DCC: variants seen among roughly 807,000 people sequenced by gnomAD.
DCC encodes the protein DCC netrin 1 receptor.
DCC carries 58 observed loss-of-function variants against 172.5 expected under a neutral mutation model. That is an observed-to-expected ratio of 0.34 (90% confidence interval 0.27 to 0.42). The LOEUF (loss-of-function observed/expected upper bound fraction) is 0.42. Among genes scored for constraint, DCC ranks in the 10% least tolerant of loss-of-function variants. DCC has a pLI of 1.00. For synonymous variants in DCC, 709 were observed against 644.5 expected, an observed-to-expected ratio of 1.10 and a Z score of -1.52; for missense variants, 1,740 against 1,791.0, an observed-to-expected ratio of 0.97 and a Z score of 0.51.
chr18:53,456,122 G>C (rs1438251426), intron 23 of DCC, among the ~76,000 whole-genome samples: 1 of 152,194 alleles, frequency 6.6e-6, no homozygotes, highest in Non-Finnish European at 1.5e-5. Context: ...TGAGGGAAAT[G>C]ATTTAGATTC....
intron 21 of DCC, among the ~76,000 whole-genome samples, chr18:53,426,311 T>C (rs1470866226): frequency 4.0e-5 from 2 of 50,330 alleles, no homozygotes; most frequent in Admixed American, 3.7e-4. Context: ...TTATAATATA[T>C]ATTATATATT....
rs564559619 is a variant in DCC, at chr18:52,426,947, C to A, written c.91+86069C>A. ...TCTTAATTCTTGGTATACTTTATCTCCCAAATCCTGACAATAGTTCTATGA... is the reference window on the plus strand; with the variant it reads ...TCTTAATTCTTGGTATACTTTATCTACCAAATCCTGACAATAGTTCTATGA... On this transcript the variant is annotated intron_variant, in intron 1 of 28. Coordinates refer to ENST00000442544, the MANE Select transcript of DCC (RefSeq NM_005215.4). Among the ~76,000 whole-genome samples, 3 of 152,072 alleles carry A rather than the reference C, an allele frequency of 2.0e-5. No homozygotes were observed. The East Asian group carries it at 5.8e-4, about 29-fold the overall frequency.
intron 7 of DCC, among the ~76,000 whole-genome samples, chr18:53,082,975 A>G (rs1478610907): frequency 1.3e-5 from 2 of 151,912 alleles, no homozygotes; most frequent in Middle Eastern, 3.2e-3. Flanking sequence ...ACACTGGCCC[A>G]CTTTGTTCTT....
chr18:52,779,067 G>A (rs140409591), intron 2 of DCC, among the ~76,000 whole-genome samples: 4 of 151,938 alleles, frequency 2.6e-5, no homozygotes, highest in Admixed American at 1.3e-4. Context: ...TAATTGTTGT[G>A]CTGAGATAAG....
At chr18:53,093,028 T>TGG (rs1217920786) in intron 7 of DCC, among the ~76,000 whole-genome samples, 3 of 152,258 alleles carry the variant, frequency 2.0e-5, no homozygotes, top group African/African-American at 7.2e-5. Flanking sequence ...CCCAGCACTT[T>TGG]GGGAGGCCAA....
chr18:52,587,993 A>G (rs186245829), intron 1 of DCC, among the ~76,000 whole-genome samples: 32 of 152,284 alleles, frequency 2.1e-4, no homozygotes, highest in Admixed American at 1.5e-3. Context: ...TTTGTGATGG[A>G]ATGCTGCTGT....
rs184290886 is a variant in DCC at position 52,379,819 on chromosome 18, T to C, written c.91+38941T>C. Among the ~76,000 whole-genome samples, 508 of 152,290 alleles carry C rather than the reference T, an allele frequency of 3.3e-3. 1 individual carries two copies. Among genetic ancestry groups the C allele is most frequent in the Non-Finnish European group, 5.5e-3 (376 of 67,998 alleles). On this transcript the variant is annotated intron_variant, in intron 1 of 28. Transcript: ENST00000442544. ...CCAGAAGTTAGGAATCTCTGTCTCTTACCCTTGACTTGAAACCTTCTTGAG... is the reference window on the plus strand; with the variant it reads ...CCAGAAGTTAGGAATCTCTGTCTCTCACCCTTGACTTGAAACCTTCTTGAG...
chr18:53,504,643 A>G (rs998352142), intron 27 of DCC, among the ~76,000 whole-genome samples: 1 of 152,220 alleles, frequency 6.6e-6, no homozygotes, highest in African/African-American at 2.4e-5. Flanking sequence ...TTAAGTATCA[A>G]TAATGTTTGT....
intron 3 of DCC, among the ~76,000 whole-genome samples, chr18:52,917,879 A>G (rs979591433): frequency 6.6e-6 from 1 of 152,232 alleles, no homozygotes; most frequent in East Asian, 1.9e-4. Flanking sequence ...TAATCGATTT[A>G]GAAAAATAGT....
chr18:52,688,855 G>A (rs2035883921), intron 1 of DCC, among the ~76,000 whole-genome samples: 1 of 152,022 alleles, frequency 6.6e-6, no homozygotes, highest in Non-Finnish European at 1.5e-5. Context: ...AAAAGATATG[G>A]ATATTTAACA....
chr18:52,500,128 C>G (rs1214237580), intron 1 of DCC, among the ~76,000 whole-genome samples: 1 of 145,708 alleles, frequency 6.9e-6, no homozygotes, highest in South Asian at 2.2e-4. Flanking sequence ...TTTTTTTTTG[C>G]TCACACCAAG....
At chr18:52,766,551 G>C (rs8083197) in intron 2 of DCC, among the ~76,000 whole-genome samples, 31,484 of 150,210 alleles carry the variant, frequency 0.21, 4,673 homozygotes, top group African/African-American at 0.42. Context: ...AAGCTGAAAA[G>C]AGTACAGTGT....
intron 1 of DCC, among the ~76,000 whole-genome samples, chr18:52,678,043 G>T (rs2035677326): frequency 6.6e-6 from 1 of 152,154 alleles, no homozygotes; most frequent in Non-Finnish European, 1.5e-5. Flanking sequence ...AAACTACAAA[G>T]ATGGGCATAA....
chr18:53,451,356 A>T (rs930257695), intron 23 of DCC, among the ~76,000 whole-genome samples: 1 of 152,214 alleles, frequency 6.6e-6, no homozygotes, highest in Admixed American at 6.5e-5. Flanking sequence ...TTCAGCCTAT[A>T]TCCTTGCAGC....
At chr18:52,983,232 C>G (rs1397986437) in intron 5 of DCC, among the ~76,000 whole-genome samples, 1 of 152,056 alleles carries the variant, frequency 6.6e-6, no homozygotes, top group Non-Finnish European at 1.5e-5. Context: ...GACTTGAAAG[C>G]AACATTAGGA....
At chr18:52,666,887 C>A (rs1321690188) in intron 1 of DCC, among the ~76,000 whole-genome samples, 1 of 152,074 alleles carries the variant, frequency 6.6e-6, no homozygotes, top group Non-Finnish European at 1.5e-5. Context: ...CAGAAATACT[C>A]CCAGGTATTT....
In DCC at chr18:53,094,866, A is replaced by G. The variant is rs554484150; in HGVS notation, c.1261+28700A>G. 3.9e-5 allele frequency among the ~76,000 whole-genome samples: 6 copies of G among 152,252 alleles called. No individual in the cohort carries two copies. In the East Asian group the frequency reaches 5.8e-4, roughly 15 times the overall value. On this transcript the variant is annotated intron_variant, in intron 7 of 28. Coordinates refer to ENST00000442544, the MANE Select transcript of DCC (RefSeq NM_005215.4). ...TTAATATTTTCTGAGGCCACCTAAT[A>G]TTTGGATGTGCTTAACTGGGTCTAA...
chr18:53,461,518 G>T (rs986643454), intron 24 of DCC, among the ~76,000 whole-genome samples: 22 of 152,206 alleles, frequency 1.4e-4, no homozygotes, highest in East Asian at 1.2e-3. Flanking sequence ...AGTTTTCCCA[G>T]CACCATTTAT....
At chr18:53,354,310 T>C (rs1015505537) in intron 15 of DCC, among the ~76,000 whole-genome samples, 1 of 152,210 alleles carries the variant, frequency 6.6e-6, no homozygotes, top group Non-Finnish European at 1.5e-5. Flanking sequence ...ATGGTATTTC[T>C]AGTTCTAGAT....
Sources: allele counts gnomAD v4.1 joint callset (sites outside exome capture counted in the v4.1 genomes callset), GRCh38; gene constraint gnomAD v4.1.1; transcripts MANE v1.5; gene names NCBI Gene and HGNC (gene_info 2026-07-23, HGNC 2026-07-21).